Variants in CENPH observed in about 807,000 individuals in gnomAD.
CENPH encodes the protein centromere protein H, also known as CENP-H.
A neutral mutation model predicts 42.9 loss-of-function variants in CENPH; 40 were observed. The observed-to-expected ratio is 0.93, with a 90% CI of 0.72 to 1.21. The LOEUF (loss-of-function observed/expected upper bound fraction) is 1.21. Ranked by LOEUF, CENPH falls within the 50% of genes most tolerant of loss-of-function variation. CENPH has a pLI of 0.00. For missense variants in CENPH, 302 were observed against 292.9 expected (o/e 1.03, Z -0.23); for synonymous variants, 88 against 96.5 (o/e 0.91, Z 0.52).
At chr5:69,189,817 C>G in intron 1 of CENPH, 49 bp downstream of exon 1, 2 of 1,415,154 alleles carry the variant, frequency 1.4e-6, no homozygotes, top group Non-Finnish European at 1.8e-6. Context: ...CGTTGTGGCC[C>G]GGAACTCCGC....
rs548488447 is a variant in CENPH at position 69,209,883 on chromosome 5, G to A, written c.*84G>A. ...ACTTCTGTGCATTTGTCTGTCCACC[G>A]TAATTTTAGAAAAGCATATCCATAA... On this transcript the variant is annotated 3_prime_UTR_variant, in exon 9 of 9. Transcript: ENST00000283006. 19 of 773,606 alleles carry A rather than the reference G, an allele frequency of 2.5e-5. No individual in the cohort carries two copies. The highest frequency in any genetic ancestry group is 7.6e-5 in the East Asian group (3 of 39,472). The allele number at this position is 773,606 out of a possible 1,614,324, so 47.9% of individuals were successfully genotyped here. A position where few individuals can be genotyped will look rare whatever the true frequency, so the allele number is the denominator to read the frequency against.
chr5:69,204,597 C>CTTTTGTTTTTT (rs1748116790), intron 7 of CENPH, among the ~76,000 whole-genome samples: 2 of 69,576 alleles, frequency 2.9e-5, no homozygotes, highest in South Asian at 6.5e-4. Context: ...GCTTGTATTT[C>CTTTTGTTTTTT]TTTTTTTTTT....
intron 5 of CENPH, among the ~76,000 whole-genome samples, chr5:69,200,586 G>C (rs1748040643): frequency 6.6e-6 from 1 of 151,996 alleles, no homozygotes; most frequent in Non-Finnish European, 1.5e-5. Context: ...TCCCAGGTTT[G>C]TGCATATTCC....
intron 5 of CENPH, chr5:69,197,384 T>C (rs1460382237): frequency 3.5e-6 from 1 of 288,570 alleles, no homozygotes; most frequent in Non-Finnish European, 6.3e-6. Flanking sequence ...TTCTTCAGTA[T>C]TTACTATAAA....
At chr5:69,190,158 A>T (rs1294231293) in intron 1 of CENPH, among the ~76,000 whole-genome samples, 1 of 152,166 alleles carries the variant, frequency 6.6e-6, no homozygotes, top group South Asian at 2.1e-4. Context: ...GTAACCCAGA[A>T]GCTTTATATG....
At chr5:69,199,633 A>G (rs1320096651) in intron 5 of CENPH, among the ~76,000 whole-genome samples, 2 of 152,204 alleles carry the variant, frequency 1.3e-5, no homozygotes, top group Non-Finnish European at 2.9e-5. Flanking sequence ...GTGTGATCTT[A>G]TAAGTTTCAG....
chr5:69,190,464 G>T (rs974672372), intron 1 of CENPH, among the ~76,000 whole-genome samples: 10 of 152,146 alleles, frequency 6.6e-5, no homozygotes, highest in South Asian at 2.1e-4. Flanking sequence ...CCACAAGGGT[G>T]GAATTGAGTA....
intron 5 of CENPH, among the ~76,000 whole-genome samples, chr5:69,198,753 G>A (rs1420942010): frequency 6.6e-6 from 1 of 151,998 alleles, no homozygotes; most frequent in African/African-American, 2.4e-5. Context: ...GGCAACATAG[G>A]GAGGCCTCAT....
intron 7 of CENPH, among the ~76,000 whole-genome samples, chr5:69,204,051 T>TAGAATATATACATATAGAA (rs1244073988): frequency 1.6e-5 from 1 of 61,944 alleles, no homozygotes; most frequent in African/African-American, 6.6e-5. Flanking sequence ...TATTTATATA[T>TAGAATATATACATATAGAA]TATATATATA....
intron 1 of CENPH, 50 bp from the exon 2 acceptor site, chr5:69,191,745 A>C: frequency 8.9e-7 from 1 of 1,129,630 alleles, no homozygotes; most frequent in Non-Finnish European, 1.3e-6. Flanking sequence ...TAATGAGTAA[A>C]ACCTTAATCA....
chr5:69,209,901 A>G lies in CENPH; in HGVS notation c.*102A>G, dbSNP rs1748219448. 1.5e-6 allele frequency: 1 copy of G among 673,590 alleles called. No individual in the cohort carries two copies. The highest frequency in any genetic ancestry group is 2.6e-6 in the Non-Finnish European group (1 of 386,262). 41.7% of individuals were successfully genotyped at this position (673,590 alleles called of 1,614,324 possible). A position where few individuals can be genotyped will look rare whatever the true frequency, so the allele number is the denominator to read the frequency against. On this transcript the variant is annotated 3_prime_UTR_variant, in exon 9 of 9. Coordinates refer to ENST00000283006, the MANE Select transcript of CENPH (RefSeq NM_022909.4). ...GTCCACCGTAATTTTAGAAAAGCAT[A>G]TCCATAACGTTTACAGTTGTAGTAC...
intron 2 of CENPH, 70 bp from the exon 3 acceptor site, chr5:69,194,577 T>A: frequency 1.2e-6 from 1 of 853,908 alleles, no homozygotes; most frequent in Non-Finnish European, 1.9e-6. Flanking sequence ...CCCTTGTGGC[T>A]TACATTATAT....
intron 1 of CENPH, among the ~76,000 whole-genome samples, chr5:69,190,670 A>G (rs1747852828): frequency 6.6e-6 from 1 of 152,182 alleles, no homozygotes; most frequent in Admixed American, 6.5e-5. Flanking sequence ...ACCTTAAGTC[A>G]GGAGTTCAAG....
chr5:69,194,983 A>G (rs1316113913), intron 3 of CENPH, among the ~76,000 whole-genome samples: 1 of 149,316 alleles, frequency 6.7e-6, no homozygotes, highest in African/African-American at 2.5e-5. Flanking sequence ...TAATCCCAGC[A>G]CTTTGAGAAG....
chr5:69,190,301 G>T (rs940051210), intron 1 of CENPH, among the ~76,000 whole-genome samples: 22 of 152,188 alleles, frequency 1.4e-4, no homozygotes, highest in African/African-American at 5.1e-4. Context: ...CTGCCTAACT[G>T]CCTATTTTTG....
Position 69,210,241 on chromosome 5 carries a change from C to T in CENPH, c.*442C>T, listed in dbSNP as rs1748225257. On this transcript the variant is annotated 3_prime_UTR_variant, in exon 9 of 9. Coordinates refer to ENST00000283006, the MANE Select transcript of CENPH (RefSeq NM_022909.4). Reference sequence around the variant, plus strand: ...CTCAGAACTCCTGAGCTCAGGCAGTCCACCGCCTCGGCCTACCGAAGTGCT... The same window carrying T: ...CTCAGAACTCCTGAGCTCAGGCAGTTCACCGCCTCGGCCTACCGAAGTGCT... The T allele has an allele frequency of 6.6e-6, 1 of 152,278 alleles. No homozygotes were observed. Among genetic ancestry groups the T allele is most frequent in the South Asian group, 2.1e-4 (1 of 4,828 alleles). The allele number at this position is 152,278 out of a possible 1,614,324, so 9.4% of individuals were successfully genotyped here.
At chr5:69,195,539 G>T (rs1274184901) in intron 3 of CENPH, among the ~76,000 whole-genome samples, 178 bp from the exon 4 acceptor site, 5 of 152,170 alleles carry the variant, frequency 3.3e-5, no homozygotes, top group African/African-American at 1.2e-4. Flanking sequence ...ACTAAGTGAA[G>T]TAGCTGAGGG....
Position 69,202,935 on chromosome 5 carries a change from A to G in CENPH, c.452A>G (p.Glu151Gly). The G allele has an allele frequency of 5.0e-6, 8 of 1,590,116 alleles. No individual in the cohort carries two copies. Among genetic ancestry groups the G allele is most frequent in the East Asian group, 2.2e-5 (1 of 44,548 alleles). The part of the protein sequence containing the change: ...MKSQQESWDL[E>G]EKLLDIRKKR... ...TAATAACAGGAATCTTGGGATTTAGAGGAAAAACTGCTTGATATTAGAAAG... is the reference window on the plus strand; with the variant it reads ...TAATAACAGGAATCTTGGGATTTAGGGGAAAAACTGCTTGATATTAGAAAG... Residue 151 changes from glutamate (E) to glycine (G), a missense_variant, in exon 7 of 9, where the codon GAG (glutamate) becomes GGG (glycine). Transcript: ENST00000283006.
chr5:69,192,939 A>T (rs1447611225), intron 2 of CENPH, among the ~76,000 whole-genome samples: 3 of 151,986 alleles, frequency 2.0e-5, no homozygotes, highest in Admixed American at 1.3e-4. Context: ...TCTACTAAAA[A>T]TACAAAATTA....
Sources: allele counts gnomAD v4.1 joint callset (sites outside exome capture counted in the v4.1 genomes callset), GRCh38; gene constraint gnomAD v4.1.1; transcripts MANE v1.5; gene names NCBI Gene and HGNC (gene_info 2026-07-23, HGNC 2026-07-21).